Variants in PGAP1 observed in about 807,000 individuals in gnomAD.
PGAP1 encodes GPI inositol-deacylase.
A neutral mutation model predicts 127.0 loss-of-function variants in PGAP1; 76 were observed. The observed-to-expected ratio is 0.60, with a 90% CI of 0.50 to 0.72. PGAP1 has a LOEUF of 0.72. Ranked by LOEUF, PGAP1 falls within the 30% of genes least tolerant of loss-of-function variation. The pLI, the probability that PGAP1 is intolerant of heterozygous loss-of-function variation, is 0.00. For synonymous variants in PGAP1, 362 were observed against 366.5 expected (o/e 0.99, Z 0.14); for missense variants, 982 against 1,071.3 (o/e 0.92, Z 1.16).
At chr2:196,903,398 T>C (rs1299701449) in intron 4 of PGAP1, among the ~76,000 whole-genome samples, 1 of 151,246 alleles carries the variant, frequency 6.6e-6, no homozygotes, top group Non-Finnish European at 1.5e-5. Flanking sequence ...CCATCTCTAC[T>C]AAAAATACAA....
chr2:196,921,568 T>C (rs529875723), intron 1 of PGAP1, among the ~76,000 whole-genome samples: 1 of 152,264 alleles, frequency 6.6e-6, no homozygotes, highest in African/African-American at 2.4e-5. Flanking sequence ...ACCATTATTC[T>C]TTTAGTACAG....
intron 22 of PGAP1, among the ~76,000 whole-genome samples, chr2:196,846,795 C>T (rs953658254): frequency 1.3e-5 from 2 of 152,098 alleles, no homozygotes; most frequent in East Asian, 1.9e-4. Context: ...AACTCTTGAG[C>T]GCTAAGGTCA....
rs541220610 is a variant in PGAP1, at chr2:196,883,066, G to A, written c.1272+2358C>T. Among the ~76,000 whole-genome samples the A allele has an allele frequency of 3.1e-3, 465 of 152,198 alleles. 10 individuals are homozygous for A. The highest frequency in any genetic ancestry group is 4.7e-3 in the Admixed American group (72 of 15,284). On this transcript the variant is annotated intron_variant, in intron 12 of 26. Transcript: ENST00000354764. ...CTACTGAGAGTTTTTAACATGAATGGGTGTTGAATTTTATCAAAAGCCTTT... is the reference window on the plus strand; with the variant it reads ...CTACTGAGAGTTTTTAACATGAATGAGTGTTGAATTTTATCAAAAGCCTTT...
At chr2:196,921,106 T>C (rs996703799) in intron 1 of PGAP1, among the ~76,000 whole-genome samples, 1 of 151,846 alleles carries the variant, frequency 6.6e-6, no homozygotes, top group African/African-American at 2.4e-5. Flanking sequence ...ATGTGGCATG[T>C]GCTTGATAAA....
chr2:196,881,788 G>A (rs767982340), intron 12 of PGAP1, among the ~76,000 whole-genome samples: 3 of 152,140 alleles, frequency 2.0e-5, no homozygotes, highest in Non-Finnish European at 4.4e-5. Flanking sequence ...TGCAGAGTTT[G>A]CAAAATTTTT....
At chr2:196,866,895 G>A (rs953056559) in intron 19 of PGAP1, among the ~76,000 whole-genome samples, 5 of 150,900 alleles carry the variant, frequency 3.3e-5, no homozygotes, top group Non-Finnish European at 5.9e-5. Flanking sequence ...TTTCAACATC[G>A]TCTGGTCATT....
chr2:196,842,857 A>C (rs781514052), intron 25 of PGAP1, 32 bp from the exon 26 acceptor site: 23 of 1,015,820 alleles, frequency 2.3e-5, no homozygotes, highest in African/African-American at 6.7e-5. Flanking sequence ...CCCACAAATC[A>C]ACAATGACCT....
chr2:196,851,281 A>G (rs1700712981), intron 20 of PGAP1, among the ~76,000 whole-genome samples: 1 of 152,142 alleles, frequency 6.6e-6, no homozygotes, highest in Non-Finnish European at 1.5e-5. Flanking sequence ...TGCAAAAACC[A>G]CAACTCTGCA....
Position 196,873,770 on chromosome 2 carries a change from A to T in PGAP1, c.1427-12T>A. The stretch of plus-strand genomic sequence containing the variant: ...CCTTGAAGACAATCCTGTTGAATTC[A>T]AAGTACTGTATTACTTAGAATATCA... On this transcript the variant is annotated splice_polypyrimidine_tract_variant and intron_variant, in intron 14 of 26. Transcript: ENST00000354764. 1.9e-6 allele frequency: 3 copies of T among 1,558,222 alleles called. No homozygotes were observed. The highest frequency in any genetic ancestry group is 2.7e-6 in the Non-Finnish European group (3 of 1,129,336).
intron 4 of PGAP1, among the ~76,000 whole-genome samples, chr2:196,905,532 G>T (rs1426355134): frequency 3.3e-5 from 5 of 152,102 alleles, no homozygotes; most frequent in Admixed American, 1.3e-4. Flanking sequence ...GAGTCACTGG[G>T]GAATATTTCT....
intron 15 of PGAP1, 40 bp downstream of exon 15, chr2:196,873,645 G>A: frequency 6.3e-7 from 1 of 1,596,650 alleles, no homozygotes; most frequent in Non-Finnish European, 8.6e-7. Context: ...AAACATTAAA[G>A]TAAAATCAAA....
intron 10 of PGAP1, among the ~76,000 whole-genome samples, chr2:196,886,891 T>C (rs967821979): frequency 5.3e-5 from 8 of 151,954 alleles, no homozygotes; most frequent in Non-Finnish European, 1.2e-4. Flanking sequence ...GGAGACGGGA[T>C]TTCACCATGT....
chr2:196,894,694 C>T (rs886395090), intron 7 of PGAP1, among the ~76,000 whole-genome samples: 4 of 151,990 alleles, frequency 2.6e-5, no homozygotes, highest in Non-Finnish European at 4.4e-5. Flanking sequence ...TCCAGCTACT[C>T]GGGAGGCTGA....
intron 10 of PGAP1, 75 bp from the exon 11 acceptor site, chr2:196,885,955 CA>C: frequency 2.9e-6 from 3 of 1,020,900 alleles, no homozygotes; most frequent in Non-Finnish European, 3.9e-6. Context: ...CACCCATTTT[CA>C]ACACTTTTTA....
chr2:196,905,274 G>A (rs1702657216), intron 4 of PGAP1, among the ~76,000 whole-genome samples: 1 of 152,158 alleles, frequency 6.6e-6, no homozygotes, highest in South Asian at 2.1e-4. Context: ...CAATTACGGT[G>A]ACAAGTACTA....
At chr2:196,844,421 T>A in intron 24 of PGAP1, 103 bp downstream of exon 24, 1 of 704,156 alleles carries the variant, frequency 1.4e-6, no homozygotes, top group Non-Finnish European at 2.3e-6. Flanking sequence ...TAATACTGTA[T>A]CTTTTAAGCA....
intron 20 of PGAP1, among the ~76,000 whole-genome samples, chr2:196,858,957 C>T (rs996805199): frequency 2.6e-5 from 4 of 151,824 alleles, no homozygotes; most frequent in Non-Finnish European, 4.4e-5. Flanking sequence ...CTAGAAGAGA[C>T]GGATAAATTC....
chr2:196,881,828 T>C (rs1184763274), intron 12 of PGAP1, among the ~76,000 whole-genome samples: 1 of 152,260 alleles, frequency 6.6e-6, no homozygotes, highest in Non-Finnish European at 1.5e-5. Flanking sequence ...CTGTTCACTC[T>C]GTTGATAGTT....
Position 196,833,329 on chromosome 2 carries a change from T to C in PGAP1, c.*7905A>G, listed in dbSNP as rs2125767978. 1 of 152,336 alleles carries C rather than the reference T, an allele frequency of 6.6e-6. No homozygotes were observed. Among genetic ancestry groups the C allele is most frequent in the East Asian group, 1.9e-4 (1 of 5,188 alleles). 9.4% of individuals were successfully genotyped at this position (152,336 alleles called of 1,614,324 possible). On this transcript the variant is annotated 3_prime_UTR_variant, in exon 27 of 27. Coordinates refer to ENST00000354764, the MANE Select transcript of PGAP1 (RefSeq NM_024989.4). Reference sequence around the variant, plus strand: ...ACAAAGTACTGGAGATCATGCATGTTTAAATGGAAAGATCAGCAAGGTGAC... The same window carrying C: ...ACAAAGTACTGGAGATCATGCATGTCTAAATGGAAAGATCAGCAAGGTGAC...
Sources: allele counts gnomAD v4.1 joint callset (sites outside exome capture counted in the v4.1 genomes callset), GRCh38; gene constraint gnomAD v4.1.1; transcripts MANE v1.5; gene names NCBI Gene and HGNC (gene_info 2026-07-23, HGNC 2026-07-21).